Variants in RORB observed in about 807,000 individuals in gnomAD.
RORB encodes nuclear receptor ROR-beta.
A neutral mutation model predicts 59.1 loss-of-function variants in RORB; 6 were observed. The ratio of observed to expected loss-of-function variants is 0.10; its 90% CI spans 0.06 to 0.20. RORB has a LOEUF of 0.20. RORB is among the 10% of genes least tolerant of loss of function. The pLI is 1.00. For missense variants in RORB, 320 were observed against 560.5 expected (o/e 0.57, Z 4.33); for synonymous variants, 215 against 204.5 (o/e 1.05, Z -0.44).
chr9:74,603,132 GCCAAGTCAGAAGAGTTTCAGGTACTCAAC>G (rs1823094246), intron 1 of RORB, among the ~76,000 whole-genome samples: 2 of 152,294 alleles, frequency 1.3e-5, no homozygotes, highest in African/African-American at 4.8e-5. Flanking sequence ...TACATGATCT[GCCAAGTCAGAAGAGTTTCAGGTACTCAAC>G]CCCAAAACAT....
chr9:74,608,563 CA>C (rs34028088), intron 1 of RORB, among the ~76,000 whole-genome samples: 3,552 of 127,228 alleles, frequency 0.028, 73 homozygotes, highest in African/African-American at 0.067. Context: ...GACTCCGTCT[CA>C]AAAAAAAAAA....
At chr9:74,647,149 C>T (rs959258343) in intron 4 of RORB, among the ~76,000 whole-genome samples, 2 of 152,184 alleles carry the variant, frequency 1.3e-5, no homozygotes, top group African/African-American at 4.8e-5. Flanking sequence ...AATTTTACTT[C>T]AAACTGGCGT....
chr9:74,520,451 T>C lies in RORB; in HGVS notation c.7+22468T>C, dbSNP rs753512202. Among the ~76,000 whole-genome samples, 117 of 151,900 alleles carry C rather than the reference T, an allele frequency of 7.7e-4. 1 individual carries two copies. The highest frequency in any genetic ancestry group is 2.2e-4 in the Non-Finnish European group (15 of 67,924). On this transcript the variant is annotated intron_variant, in intron 1 of 9. Transcript: ENST00000376896. ...TCTGCATCGGCTAGGATCGTTTACC[T>C]ACTCCTCTTCATCTGTTTCCTCACC...
At chr9:74,564,641 G>C (rs991383766) in intron 1 of RORB, among the ~76,000 whole-genome samples, 3 of 152,176 alleles carry the variant, frequency 2.0e-5, no homozygotes, top group African/African-American at 7.2e-5. Flanking sequence ...TCTTTGAATA[G>C]TCAGTAAATA....
chr9:74,532,375 C>T (rs1433579592), intron 1 of RORB, among the ~76,000 whole-genome samples: 1 of 151,880 alleles, frequency 6.6e-6, no homozygotes, highest in African/African-American at 2.4e-5. Flanking sequence ...TCCTTCACTC[C>T]TCCTGATCTT....
At chr9:74,544,147 C>T (rs986022822) in intron 1 of RORB, among the ~76,000 whole-genome samples, 2 of 152,298 alleles carry the variant, frequency 1.3e-5, no homozygotes, top group South Asian at 4.1e-4. Flanking sequence ...GTTGCCGCCT[C>T]CTCCAAACAC....
chr9:74,659,318 C>G (rs1018912413), intron 4 of RORB, among the ~76,000 whole-genome samples: 2 of 152,090 alleles, frequency 1.3e-5, no homozygotes, highest in African/African-American at 2.4e-5. Context: ...GAGGGCTGTC[C>G]TGGAGAAATG....
intron 1 of RORB, among the ~76,000 whole-genome samples, chr9:74,618,198 T>G (rs1018979891): frequency 6.6e-6 from 1 of 152,108 alleles, no homozygotes; most frequent in South Asian, 2.1e-4. Flanking sequence ...AGTTTGTGTA[T>G]GTAAGTATTT....
At chr9:74,645,714 C>A (rs1338102448) in intron 4 of RORB, among the ~76,000 whole-genome samples, 1 of 152,094 alleles carries the variant, frequency 6.6e-6, no homozygotes, top group Non-Finnish European at 1.5e-5. Flanking sequence ...TCATAACAAT[C>A]CCATTATGCC....
At chr9:74,662,695 G>A (rs376728690) in intron 6 of RORB, 89 bp downstream of exon 6, 3 of 1,377,420 alleles carry the variant, frequency 2.2e-6, no homozygotes, top group Non-Finnish European at 2.0e-6. Context: ...TCCTCCTTCC[G>A]ATATGCAGCT....
At chr9:74,606,461 G>T (rs1014575864) in intron 1 of RORB, among the ~76,000 whole-genome samples, 1 of 152,102 alleles carries the variant, frequency 6.6e-6, no homozygotes, top group African/African-American at 2.4e-5. Flanking sequence ...TCATGATTTT[G>T]GTTGGCTGTA....
chr9:74,535,923 T>A (rs904180698), intron 1 of RORB, among the ~76,000 whole-genome samples: 1 of 152,040 alleles, frequency 6.6e-6, no homozygotes, highest in Admixed American at 6.6e-5. Flanking sequence ...TTGTTGTTGA[T>A]TATCTATAAA....
At chr9:74,617,797 G>T (rs1393114020) in intron 1 of RORB, among the ~76,000 whole-genome samples, 1 of 152,134 alleles carries the variant, frequency 6.6e-6, no homozygotes, top group Non-Finnish European at 1.5e-5. Context: ...GTGCAAATGA[G>T]AATACTTTCC....
intron 1 of RORB, among the ~76,000 whole-genome samples, chr9:74,541,938 A>T (rs1250995955): frequency 2.0e-5 from 3 of 152,180 alleles, no homozygotes; most frequent in Non-Finnish European, 4.4e-5. Context: ...TAATACTACA[A>T]AGTTGTTCTC....
intron 1 of RORB, among the ~76,000 whole-genome samples, chr9:74,531,599 A>T (rs1826239780): frequency 6.6e-6 from 1 of 152,060 alleles, no homozygotes; most frequent in South Asian, 2.1e-4. Flanking sequence ...AACTTAGGAT[A>T]TGTATAACCA....
At chr9:74,587,863 G>A (rs1250617448) in intron 1 of RORB, among the ~76,000 whole-genome samples, 3 of 152,202 alleles carry the variant, frequency 2.0e-5, no homozygotes, top group Admixed American at 6.5e-5. Context: ...CAGAGTGGGA[G>A]GCACTACCGG....
chr9:74,554,370 C>A (rs529808966), intron 1 of RORB, among the ~76,000 whole-genome samples: 1 of 152,216 alleles, frequency 6.6e-6, no homozygotes, highest in Admixed American at 6.5e-5. Flanking sequence ...TGTCTGTGCC[C>A]TCCTATCCTA....
At chr9:74,608,434 G>A (rs1286226185) in intron 1 of RORB, among the ~76,000 whole-genome samples, 1 of 151,842 alleles carries the variant, frequency 6.6e-6, no homozygotes, top group Non-Finnish European at 1.5e-5. Context: ...CGTGGTGGCG[G>A]GCACCTGTAG....
At chr9:74,531,515 T>A (rs1826237829) in intron 1 of RORB, among the ~76,000 whole-genome samples, 1 of 152,020 alleles carries the variant, frequency 6.6e-6, no homozygotes, top group South Asian at 2.1e-4. Flanking sequence ...TTATGCCATT[T>A]TATCCCTCTG....
Sources: allele counts gnomAD v4.1 joint callset (sites outside exome capture counted in the v4.1 genomes callset), GRCh38; gene constraint gnomAD v4.1.1; transcripts MANE v1.5; gene names NCBI Gene and HGNC (gene_info 2026-07-23, HGNC 2026-07-21).